ABCG2: variants seen among roughly 807,000 people sequenced by gnomAD.
ABCG2 encodes the protein broad substrate specificity ATP-binding cassette transporter ABCG2.
ABCG2 carries 80 observed loss-of-function variants against 73.5 expected under a neutral mutation model. The ratio of observed to expected loss-of-function variants is 1.09; its 90% CI spans 0.91 to 1.31. The LOEUF is 1.31. ABCG2 is among the 50% of genes most tolerant of loss of function. ABCG2 has a pLI of 0.00. For missense variants in ABCG2, 796 were observed against 786.2 expected, an observed-to-expected ratio of 1.01 and a Z score of -0.15; for synonymous variants, 269 against 282.4, an observed-to-expected ratio of 0.95 and a Z score of 0.48.
chr4:88,114,365 ACCTGTAAT>A (rs1723378301), intron 8 of ABCG2, among the ~76,000 whole-genome samples: 1 of 152,034 alleles, frequency 6.6e-6, no homozygotes, highest in South Asian at 2.1e-4. Context: ...GGTGGCTCAC[ACCTGTAAT>A]CCCAACACTT....
chr4:88,180,658 G>T (rs529875647), intron 1 of ABCG2, among the ~76,000 whole-genome samples: 1 of 152,064 alleles, frequency 6.6e-6, no homozygotes, highest in South Asian at 2.1e-4. Flanking sequence ...AGGCTGAGGT[G>T]GGGGGGCTCA....
chr4:88,093,206 TAAG>T (rs377463216), intron 15 of ABCG2, among the ~76,000 whole-genome samples: 2 of 152,192 alleles, frequency 1.3e-5, no homozygotes, highest in African/African-American at 2.4e-5. Context: ...TCTTTTACTA[TAAG>T]AATAGCTTCC....
At chr4:88,231,437 TAGA>T (rs113823545), upstream of ABCG2, 291 of 152,304 alleles carry the variant, frequency 1.9e-3, no homozygotes, top group African/African-American at 6.5e-3. Flanking sequence ...AGCAAGGGGC[TAGA>T]AGAAGGGGGA....
At chr4:88,198,906 CAGAA>C (rs1036706421) in intron 1 of ABCG2, among the ~76,000 whole-genome samples, 21 of 151,718 alleles carry the variant, frequency 1.4e-4, no homozygotes, top group Admixed American at 3.3e-4. Flanking sequence ...ATAAAAAATA[CAGAA>C]AGAGAGAAAG....
chr4:88,140,603 T>C (rs574687820), intron 1 of ABCG2, among the ~76,000 whole-genome samples: 7 of 152,048 alleles, frequency 4.6e-5, no homozygotes, highest in East Asian at 1.9e-4. Context: ...GCCTGAGCGA[T>C]AGAGCGAGAC....
chr4:88,219,747 A>AT (rs5860123), intron 1 of ABCG2, among the ~76,000 whole-genome samples: 47,383 of 134,946 alleles, frequency 0.35, 8,951 homozygotes, highest in East Asian at 0.53. Context: ...ACGCCTGGCT[A>AT]TTTTTTTTTT....
intron 1 of ABCG2, among the ~76,000 whole-genome samples, chr4:88,183,756 C>T (rs919976791): frequency 1.5e-5 from 2 of 130,018 alleles, no homozygotes; most frequent in African/African-American, 5.7e-5. Flanking sequence ...AAAGACACAT[C>T]AAAAAAAAAA....
intron 1 of ABCG2, among the ~76,000 whole-genome samples, chr4:88,197,482 G>T (rs1728981777): frequency 6.6e-6 from 1 of 151,838 alleles, no homozygotes; most frequent in South Asian, 2.1e-4. Flanking sequence ...TGGGCATGGT[G>T]GCATATACCT....
intron 1 of ABCG2, among the ~76,000 whole-genome samples, chr4:88,169,589 G>C (rs1727675835): frequency 6.6e-6 from 1 of 152,110 alleles, no homozygotes; most frequent in South Asian, 2.1e-4. Flanking sequence ...TCATCCACAA[G>C]TATGGCTAAA....
chr4:88,195,520 T>C (rs1728908223), intron 1 of ABCG2, among the ~76,000 whole-genome samples: 1 of 152,170 alleles, frequency 6.6e-6, no homozygotes, highest in Admixed American at 6.5e-5. Context: ...CCTCAGTTCT[T>C]GCCTTTTCAG....
At chr4:88,184,473 T>C (rs1251168452) in intron 1 of ABCG2, among the ~76,000 whole-genome samples, 1 of 151,880 alleles carries the variant, frequency 6.6e-6, no homozygotes, top group African/African-American at 2.4e-5. Context: ...TAAAATAAAA[T>C]ACCTAGGAAT....
intron 1 of ABCG2, among the ~76,000 whole-genome samples, chr4:88,152,027 A>T (rs1449075965): frequency 6.6e-6 from 1 of 152,154 alleles, no homozygotes; most frequent in Non-Finnish European, 1.5e-5. Context: ...ATGGGTCTCA[A>T]ATCCTTTTCT....
intron 1 of ABCG2, among the ~76,000 whole-genome samples, chr4:88,177,094 C>A (rs1020876019): frequency 6.6e-6 from 1 of 152,090 alleles, no homozygotes; most frequent in African/African-American, 2.4e-5. Flanking sequence ...AATGAATGGC[C>A]GGGCGCAGTG....
At chr4:88,216,178 C>T (rs189219724) in intron 1 of ABCG2, among the ~76,000 whole-genome samples, 3 of 152,308 alleles carry the variant, frequency 2.0e-5, no homozygotes, top group East Asian at 1.9e-4. Context: ...ATATATCTGG[C>T]TGTTTACTTC....
chr4:88,210,668 C>A lies in ABCG2; in HGVS notation c.-20+20326G>T, dbSNP rs535061667. Among the ~76,000 whole-genome samples, 4 of 151,102 alleles carry A rather than the reference C, an allele frequency of 2.6e-5. No homozygotes were observed. The East Asian group carries it at 7.8e-4, about 29-fold the overall frequency. On this transcript the variant is annotated intron_variant, in intron 1 of 15. Transcript: ENST00000515655. ...AGTGCAGTGGTACAATCATAGCTCA[C>A]TGCAGCCTCAAACTCCTAGGTTCAA... is the stretch of plus-strand genomic sequence containing the variant.
chr4:88,195,930 C>T (rs887801855), intron 1 of ABCG2, among the ~76,000 whole-genome samples: 5 of 152,336 alleles, frequency 3.3e-5, no homozygotes, highest in African/African-American at 4.8e-5. Flanking sequence ...CATTTTGCCT[C>T]TTAGTGCATG....
intron 12 of ABCG2, among the ~76,000 whole-genome samples, chr4:88,098,610 GTA>G (rs141581489): frequency 6.7e-6 from 1 of 148,712 alleles, no homozygotes; most frequent in Admixed American, 6.7e-5. Flanking sequence ...GTGTGTGTGT[GTA>G]TATATATATA....
upstream of ABCG2, among the ~76,000 whole-genome samples, chr4:88,160,032 C>T (rs909838891): frequency 6.6e-6 from 1 of 151,998 alleles, no homozygotes; most frequent in African/African-American, 2.4e-5. Flanking sequence ...CACTTGAGGC[C>T]AGGAGTTCGA....
intron 1 of ABCG2, among the ~76,000 whole-genome samples, chr4:88,168,906 C>T (rs936116990): frequency 6.6e-6 from 1 of 152,090 alleles, no homozygotes; most frequent in Non-Finnish European, 1.5e-5. Flanking sequence ...CAGAAGCCTC[C>T]CTCAAGCTCC....
Sources: gnomAD v4.1 joint callset for allele counts (sites outside exome capture counted in the v4.1 genomes callset) on GRCh38, gnomAD v4.1.1 for gene constraint, MANE v1.5 for transcripts, NCBI Gene and HGNC (gene_info 2026-07-23, HGNC 2026-07-21) for gene names.